The following ZNF174 variants were observed in gnomAD, a reference collection of about 807,000 sequenced individuals.
The protein encoded by ZNF174 is AW-1.
In ZNF174, 30 loss-of-function variants were observed where a neutral mutation model predicts 38.7. That is an observed-to-expected ratio of 0.78 (90% CI 0.58 to 1.05). The LOEUF (loss-of-function observed/expected upper bound fraction) is 1.05, where lower values mean the gene tolerates loss of function less well. Ranked by LOEUF, ZNF174 falls within the 50% of genes least tolerant of loss-of-function variation. The probability of loss-of-function intolerance (pLI) is 0.00; values close to 1 mark genes in which losing one functional copy is unlikely to be tolerated. For missense variants in ZNF174, 499 were observed against 495.6 expected (o/e 1.01, Z -0.06); for synonymous variants, 201 against 181.7 (o/e 1.11, Z -0.86).
chr16:3,407,970 C>T (rs1464593128), intron 2 of ZNF174, among the ~76,000 whole-genome samples: 1 of 152,076 alleles, frequency 6.6e-6, no homozygotes, highest in Non-Finnish European at 1.5e-5. Flanking sequence ...CATTAGATAC[C>T]CAATTCTGAT....
chr16:3,402,450 T>TTTC, intron 1 of ZNF174, 44 bp downstream of exon 1: 2 of 1,457,108 alleles, frequency 1.4e-6, no homozygotes, highest in Non-Finnish European at 1.8e-6. Context: ...TTCTTTTTCT[T>TTTC]TTCTTTTTTT....
rs2034021659 is a variant in ZNF174 at position 3,404,497 on chromosome 16, G to T, written c.474G>T (p.Leu158=). 6.2e-7 allele frequency: 1 copy of T among 1,613,670 alleles called. No individual in the cohort carries two copies. Among genetic ancestry groups the T allele is most frequent in the Non-Finnish European group, 8.5e-7 (1 of 1,179,578 alleles). Residue 158 remains leucine (L), a synonymous_variant, in exon 2 of 3, where the codon CTG becomes CTT. Coordinates refer to ENST00000268655, the MANE Select transcript of ZNF174 (RefSeq NM_003450.3). The stretch of plus-strand genomic sequence containing the variant: ...GATCTCAGCTTGGAGAACAGGAACT[G>T]CCAGACTTTCAACCGCAGACTCCTA... ...KTGSQLGEQE[L]PDFQPQTPRR... is the part of the protein sequence containing the mutation.
intron 2 of ZNF174, among the ~76,000 whole-genome samples, chr16:3,406,739 A>G (rs141194198): frequency 5.9e-5 from 9 of 152,318 alleles, no homozygotes; most frequent in Non-Finnish European, 1.2e-4. Context: ...CTTTCTTGAC[A>G]GTGTCCTTTG....
At chr16:3,406,566 C>T (rs957817271) in intron 2 of ZNF174, among the ~76,000 whole-genome samples, 1 of 152,174 alleles carries the variant, frequency 6.6e-6, no homozygotes, top group African/African-American at 2.4e-5. Flanking sequence ...TGCTTATTAT[C>T]CAGTTACATA....
At chr16:3,402,458 T>C (rs550189224) in intron 1 of ZNF174, 52 bp downstream of exon 1, 26 of 1,533,384 alleles carry the variant, frequency 1.7e-5, no homozygotes, top group East Asian at 1.1e-4. Context: ...CTTTTCTTTT[T>C]TTTTTTTTTT....
chr16:3,402,057 A>G lies in ZNF174; in HGVS notation c.53A>G (p.Lys18Arg). The change falls in exon 1 of 3, where the codon AAG becomes AGG. Residue 18 changes from lysine (K) to arginine (R), a missense_variant. Lys to Arg is a conservative substitution (Grantham distance 26). Coordinates refer to ENST00000268655, the MANE Select transcript of ZNF174 (RefSeq NM_003450.3). ...AGCTCCAACACTGAAGCTTCCTCCAAGCAAGAGAGACACATAATAGCCAAA... is the reference window on the plus strand; with the variant it reads ...AGCTCCAACACTGAAGCTTCCTCCAGGCAAGAGAGACACATAATAGCCAAA... ...TLSSNTEASS[K>R]QERHIIAKLE... 1 of 1,614,060 alleles carries G rather than the reference A, an allele frequency of 6.2e-7. No homozygotes were observed. Among genetic ancestry groups the G allele is most frequent in the Non-Finnish European group, 8.5e-7 (1 of 1,180,030 alleles).
In ZNF174 at chr16:3,408,532, T is replaced by C. The variant is rs367625356; in HGVS notation, c.837T>C (p.His279=). ...AQKPFAHYQR[H]CRVEYISSPL... ...AGCCATTTGCTCACTACCAGAGACA[T>C]TGCAGGGTGGAATACATCAGCAGCC... The change falls in exon 3 of 3, where the codon CAT becomes CAC. Residue 279 remains histidine (H), a synonymous_variant. Coordinates refer to ENST00000268655, the MANE Select transcript of ZNF174 (RefSeq NM_003450.3). The C allele has an allele frequency of 3.7e-6, 6 of 1,613,984 alleles. No homozygotes were observed. Among genetic ancestry groups the C allele is most frequent in the African/African-American group, 2.7e-5 (2 of 74,966 alleles).
chr16:3,402,008 G>T lies in ZNF174; in HGVS notation c.4G>T (p.Ala2Ser), dbSNP rs2033919627. The T allele has an allele frequency of 1.2e-6, 2 of 1,611,704 alleles. No homozygotes were observed. Among genetic ancestry groups the T allele is most frequent in the Non-Finnish European group, 1.7e-6 (2 of 1,179,564 alleles). The change falls in exon 1 of 3, where the codon GCA becomes TCA. Residue 2 changes from alanine (A) to serine (S), a missense_variant. Physicochemically the swap from Ala to Ser is moderately conservative, Grantham distance 99 (BLOSUM62 1). Coordinates refer to ENST00000268655, the MANE Select transcript of ZNF174 (RefSeq NM_003450.3). Reference sequence around the variant, plus strand: ...GAGTTGTCTCCTGACGCCCAAAATGGCAGCTAAAATGGAGATAACTTTAAG... The same window carrying T: ...GAGTTGTCTCCTGACGCCCAAAATGTCAGCTAAAATGGAGATAACTTTAAG... Reference protein sequence around the residue: MAAKMEITLSSN... With the variant: MSAKMEITLSSN...
Position 3,404,501 on chromosome 16 carries a change from G to C in ZNF174, c.478G>C (p.Asp160His). Residue 160 changes from aspartate to histidine, a missense_variant, in exon 2 of 3, where the codon GAC (aspartate) becomes CAC (histidine). Physicochemically the swap from Asp to His is moderately conservative, Grantham distance 81. Coordinates refer to ENST00000268655, the MANE Select transcript of ZNF174 (RefSeq NM_003450.3). ...GSQLGEQELPDFQPQTPRRDL... is the reference protein window; with the variant it reads ...GSQLGEQELPHFQPQTPRRDL... ...TCAGCTTGGAGAACAGGAACTGCCA[G>C]ACTTTCAACCGCAGACTCCTAGGAG... 2 of 1,613,728 alleles carry C rather than the reference G, an allele frequency of 1.2e-6. No individual in the cohort carries two copies. Among genetic ancestry groups the C allele is most frequent in the Non-Finnish European group, 1.7e-6 (2 of 1,179,626 alleles).
rs1358551194 is a variant in ZNF174, at chr16:3,401,855, G to A, written c.-150G>A. 3 of 972,672 alleles carry A rather than the reference G, an allele frequency of 3.1e-6. No individual in the cohort carries two copies. The highest frequency in any genetic ancestry group is 1.6e-5 in the African/African-American group (1 of 61,046). The allele number at this position is 972,672 out of a possible 1,614,324, so 60.3% of individuals were successfully genotyped here. ...GAGTTTGGCTAGTAAAGGCTAGCAA[G>A]TGAGGCTTTGTCTCTGCATCCCGTT... is the stretch of plus-strand genomic sequence containing the variant. On this transcript the variant is annotated 5_prime_UTR_variant, in exon 1 of 3. It adds an upstream start codon to the 5' untranslated region. Coordinates refer to ENST00000268655, the MANE Select transcript of ZNF174 (RefSeq NM_003450.3).
chr16:3,406,574 A>G (rs1033460830), intron 2 of ZNF174, among the ~76,000 whole-genome samples: 1 of 152,198 alleles, frequency 6.6e-6, no homozygotes, highest in South Asian at 2.1e-4. Context: ...ATCCAGTTAC[A>G]TATCTTGTGT....
At chr16:3,407,212 G>A (rs2034068085) in intron 2 of ZNF174, among the ~76,000 whole-genome samples, 1 of 152,064 alleles carries the variant, frequency 6.6e-6, no homozygotes, top group Non-Finnish European at 1.5e-5. Flanking sequence ...CTTTTATAAG[G>A]ACACTAATCC....
intron 1 of ZNF174, 98 bp from the exon 2 acceptor site, chr16:3,404,328 C>T (rs920345996): frequency 8.0e-7 from 1 of 1,254,102 alleles, no homozygotes; most frequent in Admixed American, 2.3e-5. Flanking sequence ...AGATGGTTAT[C>T]AGCAATTCCC....
Position 3,401,875 on chromosome 16 carries a change from C to G in ZNF174, c.-130C>G, listed in dbSNP as rs2033913905. 2.6e-6 allele frequency: 3 copies of G among 1,172,084 alleles called. No homozygotes were observed. Among genetic ancestry groups the G allele is most frequent in the South Asian group, 2.9e-5 (2 of 70,098 alleles). 72.6% of individuals were successfully genotyped at this position (1,172,084 alleles called of 1,614,324 possible). ...AGCAAGTGAGGCTTTGTCTCTGCAT[C>G]CCGTTCCCCCTAACATCCTCAGAGA... On this transcript the variant is annotated 5_prime_UTR_variant, in exon 1 of 3. It adds an upstream start codon to the 5' untranslated region. Coordinates refer to ENST00000268655, the MANE Select transcript of ZNF174 (RefSeq NM_003450.3).
In ZNF174 at chr16:3,408,524, C is replaced by CAG; in HGVS notation, c.833_834dup (p.His279AspfsTer12). 6.2e-7 allele frequency: 1 copy of CAG among 1,614,154 alleles called. No individual in the cohort carries two copies. ...TGCTCAAAAGCCATTTGCTCACTAC[C>CAG]AGAGACATTGCAGGGTGGAATACAT... On this transcript the variant is annotated frameshift_variant, in exon 3 of 3. Coordinates refer to ENST00000268655, the MANE Select transcript of ZNF174 (RefSeq NM_003450.3). LOFTEE classifies it high-confidence loss of function.
rs2034021359 is a variant in ZNF174 at position 3,404,480 on chromosome 16, C to T, written c.457C>T (p.Leu153Phe). Reference protein sequence around the residue: ...KVLLEKTGSQLGEQELPDFQP... With the variant: ...KVLLEKTGSQFGEQELPDFQP... ...GCTCTTGGAGAAAACTGGATCTCAGCTTGGAGAACAGGAACTGCCAGACTT... is the reference window on the plus strand; with the variant it reads ...GCTCTTGGAGAAAACTGGATCTCAGTTTGGAGAACAGGAACTGCCAGACTT... The change falls in exon 2 of 3, where the codon CTT becomes TTT. Residue 153 changes from leucine to phenylalanine, a missense_variant. Coordinates refer to ENST00000268655, the MANE Select transcript of ZNF174 (RefSeq NM_003450.3). 1 of 1,612,374 alleles carries T rather than the reference C, an allele frequency of 6.2e-7. No individual in the cohort carries two copies. The highest frequency in any genetic ancestry group is 8.5e-7 in the Non-Finnish European group (1 of 1,178,646).
chr16:3,406,461 AT>A (rs2034057809), intron 2 of ZNF174, among the ~76,000 whole-genome samples: 1 of 152,124 alleles, frequency 6.6e-6, no homozygotes, highest in Admixed American at 6.5e-5. Context: ...AGCACTTGTT[AT>A]TGTCTTATAC....
intron 2 of ZNF174, among the ~76,000 whole-genome samples, chr16:3,406,586 G>A (rs748997205): frequency 6.6e-6 from 1 of 152,142 alleles, no homozygotes; most frequent in African/African-American, 2.4e-5. Context: ...ATCTTGTGTG[G>A]AAAAATATCT....
intron 2 of ZNF174, chr16:3,404,965 C>T (rs1225705121): frequency 1.2e-6 from 2 of 1,614,172 alleles, no homozygotes; most frequent in South Asian, 1.1e-5. Context: ...TCCATGCAAG[C>T]TATGGCTGAG....
Sources: allele counts gnomAD v4.1 joint callset (sites outside exome capture counted in the v4.1 genomes callset), GRCh38; gene constraint gnomAD v4.1.1; transcripts MANE v1.5; gene names NCBI Gene and HGNC (gene_info 2026-07-23, HGNC 2026-07-21).